TMEM132E: variants seen among roughly 807,000 people sequenced by gnomAD.
TMEM132E encodes transmembrane protein 132E.
A neutral mutation model predicts 78.5 loss-of-function variants in TMEM132E; 49 were observed. The ratio of observed to expected loss-of-function variants is 0.62; its 90% confidence interval spans 0.50 to 0.79. The LOEUF is 0.79. Among genes scored for constraint, TMEM132E ranks in the 30% least tolerant of loss-of-function variants. TMEM132E has a pLI of 0.00. For synonymous variants in TMEM132E, 715 were observed against 670.6 expected (o/e 1.07, Z -1.02); for missense variants, 1,403 against 1,470.9 (o/e 0.95, Z 0.75).
At chr17:34,595,390 C>A (rs1597677600) in intron 1 of TMEM132E, among the ~76,000 whole-genome samples, 1 of 152,236 alleles carries the variant, frequency 6.6e-6, no homozygotes, top group African/African-American at 2.4e-5. Context: ...ATAAACAGGA[C>A]AGATACTCTG....
chr17:34,626,242 G>A lies in TMEM132E; in HGVS notation c.183G>A (p.Ala61=), dbSNP rs1178374919. 1 of 1,596,196 alleles carries A rather than the reference G, an allele frequency of 6.3e-7. No homozygotes were observed. Among genetic ancestry groups the A allele is most frequent in the East Asian group, 2.3e-5 (1 of 44,008 alleles). Residue 61 remains alanine (A), a synonymous_variant, in exon 2 of 9, where the codon GCG becomes GCA. Coordinates refer to ENST00000631683, the MANE Select transcript of TMEM132E (RefSeq NM_001304438.2). ...HTRLAFFLRE[A]RPPSPAVANS... ...GGCTGGCCTTCTTCCTGCGGGAGGC[G>A]CGGCCCCCGTCACCCGCGGTCGCCA...
intron 1 of TMEM132E, among the ~76,000 whole-genome samples, chr17:34,585,989 T>C (rs1905660603): frequency 6.6e-6 from 1 of 152,184 alleles, no homozygotes; most frequent in African/African-American, 2.4e-5. Context: ...TTTCACCTAC[T>C]TCTCTGGGTC....
chr17:34,631,669 G>T (rs1305227459), intron 5 of TMEM132E, among the ~76,000 whole-genome samples: 1 of 152,144 alleles, frequency 6.6e-6, no homozygotes, highest in Non-Finnish European at 1.5e-5. Flanking sequence ...GATGGGAGCT[G>T]GCAGCGTTTG....
At position 34,636,138 on chromosome 17, in the gene TMEM132E, G is replaced by A. The variant is rs1907515148; in HGVS notation, c.2109G>A (p.Gly703=). 6.3e-7 allele frequency: 1 copy of A among 1,588,478 alleles called. No homozygotes were observed. Among genetic ancestry groups the A allele is most frequent in the Non-Finnish European group, 8.6e-7 (1 of 1,168,628 alleles). Residue 703 remains glycine (G), a synonymous_variant, in exon 8 of 9, where the codon GGG becomes GGA. Coordinates refer to ENST00000631683, the MANE Select transcript of TMEM132E (RefSeq NM_001304438.2). ...CCCTCTCCCTGCGGCCCAGCCCTGGGAGCAGCCACACCATCCTAGCCACCA... is the reference window on the plus strand; with the variant it reads ...CCCTCTCCCTGCGGCCCAGCCCTGGAAGCAGCCACACCATCCTAGCCACCA... ...SLALSLRPSP[G]SSHTILATTA...
chr17:34,607,513 T>C (rs1459095442), intron 1 of TMEM132E, among the ~76,000 whole-genome samples: 4 of 152,206 alleles, frequency 2.6e-5, no homozygotes, highest in African/African-American at 7.2e-5. Flanking sequence ...CAGTTCTCTG[T>C]GGGCATGAAA....
intron 1 of TMEM132E, among the ~76,000 whole-genome samples, chr17:34,604,788 T>A (rs1246429850): frequency 1.3e-5 from 2 of 152,248 alleles, no homozygotes; most frequent in African/African-American, 4.8e-5. Flanking sequence ...GATTTATTAT[T>A]AATAGCAACA....
In TMEM132E at chr17:34,629,141, G is replaced by A. The variant is rs766351163; in HGVS notation, c.1275G>A (p.Glu425=). Residue 425 remains glutamate (E), a synonymous_variant, in exon 4 of 9, where the codon GAG becomes GAA. Transcript: ENST00000631683. ...GCCACGGCGCCCTGCCTGACCTGGAGCGGGCAGTCACTGAGCTGACGGTCA... is the reference window on the plus strand; with the variant it reads ...GCCACGGCGCCCTGCCTGACCTGGAACGGGCAGTCACTGAGCTGACGGTCA... ...YRGHGALPDL[E]RAVTELTVIQ... The A allele has an allele frequency of 6.2e-7, 1 of 1,614,058 alleles. No individual in the cohort carries two copies. Among genetic ancestry groups the A allele is most frequent in the Non-Finnish European group, 8.5e-7 (1 of 1,179,958 alleles).
Position 34,612,515 on chromosome 17 carries a change from C to T in TMEM132E, c.68-13612C>T, listed in dbSNP as rs370428160. Among the ~76,000 whole-genome samples, 16 of 152,360 alleles carry T rather than the reference C, an allele frequency of 1.1e-4. No individual in the cohort carries two copies. In the South Asian group the frequency reaches 3.3e-3, roughly 32 times the overall value. On this transcript the variant is annotated intron_variant, in intron 1 of 8. Coordinates refer to ENST00000631683, the MANE Select transcript of TMEM132E (RefSeq NM_001304438.2). ...GAGTTCCAAAGCCCACTCTCTGCCA[C>T]TAAACCTCTGGGATCTTGAACAAAT...
intron 1 of TMEM132E, among the ~76,000 whole-genome samples, chr17:34,612,891 G>T (rs1246244105): frequency 6.6e-6 from 1 of 152,072 alleles, no homozygotes; most frequent in African/African-American, 2.4e-5. Flanking sequence ...TGGGAAAGAT[G>T]CAGTTTTCCC....
In TMEM132E at chr17:34,626,970, A is replaced by G. The variant is rs757919481; in HGVS notation, c.911A>G (p.Lys304Arg). The G allele has an allele frequency of 6.2e-6, 10 of 1,613,924 alleles. No homozygotes were observed. Among genetic ancestry groups the G allele is most frequent in the Non-Finnish European group, 8.5e-6 (10 of 1,180,022 alleles). The change falls in exon 2 of 9, where the codon AAG (lysine) becomes AGG (arginine). Residue 304 changes from lysine to arginine, a missense_variant. This residue lies in a region of TMEM132E where 511 missense variants were observed against 499.0 expected (regional missense o/e 1.02). Coordinates refer to ENST00000631683, the MANE Select transcript of TMEM132E (RefSeq NM_001304438.2). Reference protein sequence around the residue: ...LMIRLPDRPLKPGEVLSILLY... With the variant: ...LMIRLPDRPLRPGEVLSILLY... ...ATCCGCCTGCCAGACCGGCCCCTCA[A>G]GCCCGGGGAAGTGCTCAGCATCCTC...
At chr17:34,582,624 A>G (rs560920285) in intron 1 of TMEM132E, among the ~76,000 whole-genome samples, 1 of 151,746 alleles carries the variant, frequency 6.6e-6, no homozygotes, top group African/African-American at 2.4e-5. Context: ...GGTGGGGCGA[A>G]GTGGGAGCAT....
Position 34,630,133 on chromosome 17 carries a change from C to T in TMEM132E, c.1464C>T (p.Asp488=). 6.2e-7 allele frequency: 1 copy of T among 1,612,268 alleles called. No individual in the cohort carries two copies. Among genetic ancestry groups the T allele is most frequent in the Non-Finnish European group, 8.5e-7 (1 of 1,178,578 alleles). ...CCGCCCTAGTGGAATGCGAGTCTGA[C>T]AATGAAGACATCATCAAGGTGGGCA... is the stretch of plus-strand genomic sequence containing the variant. ...DISALVECES[D]NEDIIKVSSS... The change falls in exon 5 of 9, where the codon GAC becomes GAT. Residue 488 remains aspartate (D), a synonymous_variant. Coordinates refer to ENST00000631683, the MANE Select transcript of TMEM132E (RefSeq NM_001304438.2).
At position 34,637,757 on chromosome 17, in the gene TMEM132E, G is replaced by C. The variant is rs757230221; in HGVS notation, c.2750G>C (p.Arg917Pro). The change falls in exon 9 of 9, where the codon CGG becomes CCG. Residue 917 changes from arginine to proline, a missense_variant. Arg to Pro is a moderately radical substitution (Grantham distance 103). Transcript: ENST00000631683. ...TGCATCGTTTTTGTGCTGCGCTACC[G>C]GCACAAGCGCATCCCGCCCGAGGGC... ...INCIVFVLRY[R>P]HKRIPPEGQT... 2.5e-6 allele frequency: 4 copies of C among 1,613,462 alleles called. No individual in the cohort carries two copies. Among genetic ancestry groups the C allele is most frequent in the Non-Finnish European group, 3.4e-6 (4 of 1,179,994 alleles).
At chr17:34,605,551 A>G (rs1431247439) in intron 1 of TMEM132E, among the ~76,000 whole-genome samples, 1 of 152,188 alleles carries the variant, frequency 6.6e-6, no homozygotes, top group Non-Finnish European at 1.5e-5. Flanking sequence ...CCTAAGCAAT[A>G]GCTTTGCCTA....
At chr17:34,603,456 G>A (rs1906307960) in intron 1 of TMEM132E, among the ~76,000 whole-genome samples, 1 of 152,166 alleles carries the variant, frequency 6.6e-6, no homozygotes, top group Non-Finnish European at 1.5e-5. Flanking sequence ...ATGACTCCCA[G>A]GCTCAACTGA....
chr17:34,612,254 C>G (rs1377091101), intron 1 of TMEM132E, among the ~76,000 whole-genome samples: 1 of 152,184 alleles, frequency 6.6e-6, no homozygotes, highest in African/African-American at 2.4e-5. Flanking sequence ...CAGCATGTAA[C>G]TGAGTCAGGG....
chr17:34,630,915 C>A (rs910178056), intron 5 of TMEM132E, among the ~76,000 whole-genome samples: 12 of 152,160 alleles, frequency 7.9e-5, no homozygotes, highest in African/African-American at 2.9e-4. Flanking sequence ...TCCCTCCTTC[C>A]CCTGGCTTTG....
rs1371469250 is a variant in TMEM132E, at chr17:34,638,472, G to T, written c.*240G>T. On this transcript the variant is annotated 3_prime_UTR_variant, in exon 9 of 9. Coordinates refer to ENST00000631683, the MANE Select transcript of TMEM132E (RefSeq NM_001304438.2). ...GGCTCTTCCTCCAGTGGCTCGTAAG[G>T]AGGAAAGCAACCCCAGCCTCTGTTC... 4 of 464,568 alleles carry T rather than the reference G, an allele frequency of 8.6e-6. No individual in the cohort carries two copies. The highest frequency in any genetic ancestry group is 1.5e-5 in the Non-Finnish European group (4 of 267,488). The allele number at this position is 464,568 out of a possible 1,614,324, so 28.8% of individuals were successfully genotyped here. A position where few individuals can be genotyped will look rare whatever the true frequency, so the allele number is the denominator to read the frequency against.
chr17:34,581,610 G>A (rs1168223316), intron 1 of TMEM132E, among the ~76,000 whole-genome samples: 1 of 151,910 alleles, frequency 6.6e-6, no homozygotes, highest in Non-Finnish European at 1.5e-5. Flanking sequence ...CTCGCTTCCT[G>A]CGGCGGTCCT....
Sources: allele counts gnomAD v4.1 joint callset (sites outside exome capture counted in the v4.1 genomes callset), GRCh38; gene constraint gnomAD v4.1.1; regional missense constraint gnomAD v4.1.1; transcripts MANE v1.5; gene names NCBI Gene and HGNC (gene_info 2026-07-23, HGNC 2026-07-21).